The following TCP11 variants were observed in gnomAD, a reference collection of about 807,000 sequenced individuals.
TCP11 encodes the protein t-complex 11, also known as T-complex protein 11 homolog.
In TCP11, 34 loss-of-function variants were observed where a neutral mutation model predicts 45.0. That is an observed-to-expected ratio of 0.76 (90% confidence interval 0.57 to 1.01). TCP11 has a LOEUF of 1.01. Ranked by LOEUF, TCP11 falls within the 50% of genes least tolerant of loss-of-function variation. The pLI, the probability that TCP11 is intolerant of heterozygous loss-of-function variation, is 0.00. For synonymous variants in TCP11, 227 were observed against 227.0 expected, an observed-to-expected ratio of 1.00 and a Z score of 0.00; for missense variants, 523 against 598.1, an observed-to-expected ratio of 0.87 and a Z score of 1.31.
At chr6:35,132,437 T>C (rs994299093) in intron 3 of TCP11, among the ~76,000 whole-genome samples, 2 of 152,258 alleles carry the variant, frequency 1.3e-5, no homozygotes, top group Admixed American at 6.5e-5. Context: ...CATTTTCTAT[T>C]ATTCAACTGT....
Position 35,120,569 on chromosome 6 carries a change from T to A in TCP11, c.793A>T (p.Thr265Ser). 1 of 1,613,868 alleles carries A rather than the reference T, an allele frequency of 6.2e-7. No individual in the cohort carries two copies. Among genetic ancestry groups the A allele is most frequent in the Non-Finnish European group, 8.5e-7 (1 of 1,180,020 alleles). ...LTMSPPTCPD[T>S]SDSSSVAGPS... Reference sequence around the variant, plus strand: ...CCAGCCACACTGGAGGAGTCAGAAGTGTCTGGGCAAGTCGGAGGTGACATG... The same window carrying A: ...CCAGCCACACTGGAGGAGTCAGAAGAGTCTGGGCAAGTCGGAGGTGACATG... The change falls in exon 7 of 10, where the codon ACT becomes TCT. Residue 265 changes from threonine (T) to serine (S), a missense_variant. Around this residue, in one of 2 missense-constraint regions of TCP11, gnomAD observed 298 missense variants for 387.9 expected, o/e 0.77. Transcript: ENST00000311875. The surrounding 1 kb of genome is among the most constrained non-coding windows in gnomAD (Gnocchi z 4.9).
chr6:35,140,491 G>T (rs758918339), intron 2 of TCP11: 1 of 618,224 alleles, frequency 1.6e-6, no homozygotes, highest in South Asian at 1.5e-5. Context: ...ATACAAAGGA[G>T]GGCTTTGAAC....
At chr6:35,129,032 CT>C in intron 4 of TCP11, 29 bp downstream of exon 4, 1 of 1,609,942 alleles carries the variant, frequency 6.2e-7, no homozygotes, top group Non-Finnish European at 8.5e-7. Context: ...TGTCTAGAAA[CT>C]TTACATTTAC....
chr6:35,120,953 T>G lies in TCP11; in HGVS notation c.671A>C (p.Gln224Pro), dbSNP rs1349735266. 1.2e-6 allele frequency: 2 copies of G among 1,613,980 alleles called. No homozygotes were observed. Among genetic ancestry groups the G allele is most frequent in the African/African-American group, 2.7e-5 (2 of 74,932 alleles). ...TTCCTGGAATTTAGCCCGTTCATAC[T>G]GAATGGAATGTTCCTGCAGGTGGGG... ...LQPHLQEHSI[Q>P]YERAKFQELL... The change falls in exon 6 of 10, where the codon CAG (glutamine) becomes CCG (proline). Residue 224 changes from glutamine (Q) to proline (P), a missense_variant. By Grantham distance (76) the Gln-to-Pro change is moderately conservative. This residue lies in a region of TCP11 where 298 missense variants were observed against 387.9 expected (regional missense o/e 0.77). Coordinates refer to ENST00000311875, the MANE Select transcript of TCP11 (RefSeq NM_001370687.1). The surrounding 1 kb of genome is among the most constrained non-coding windows in gnomAD (Gnocchi z 4.9).
At chr6:35,127,181 C>T (rs1779918903) in intron 4 of TCP11, among the ~76,000 whole-genome samples, 1 of 152,090 alleles carries the variant, frequency 6.6e-6, no homozygotes, top group South Asian at 2.1e-4. Context: ...GCTCCTTATA[C>T]CACTGAACCA....
chr6:35,129,137 G>C lies in TCP11; in HGVS notation c.282C>G (p.Asp94Glu), dbSNP rs1386568512. 49 of 1,613,950 alleles carry C rather than the reference G, an allele frequency of 3.0e-5. No homozygotes were observed. The highest frequency in any genetic ancestry group is 4.0e-5 in the Non-Finnish European group (47 of 1,179,984). Residue 94 changes from aspartate (D) to glutamate (E), a missense_variant, in exon 4 of 10, where the codon GAC becomes GAG. By Grantham distance (45) the Asp-to-Glu change is conservative. Around this residue, in one of 2 missense-constraint regions of TCP11, gnomAD observed 225 missense variants for 210.2 expected, o/e 1.07. Transcript: ENST00000311875. ...TTGCTGATAGTTGCTCTTTAAGATGGTCCCAAAAGGCATTGTGCACTGTCT... is the reference window on the plus strand; with the variant it reads ...TTGCTGATAGTTGCTCTTTAAGATGCTCCCAAAAGGCATTGTGCACTGTCT... ...VKETVHNAFW[D>E]HLKEQLSATP...
In TCP11 at chr6:35,120,375, G is replaced by T; in HGVS notation, c.934-35C>A. ...AGGGAAGAACAGGCTGTCAGGGGAA[G>T]TCCCGATGGAAGCCCTGAACACAAA... is the stretch of plus-strand genomic sequence containing the variant. On this transcript the variant is annotated intron_variant, in intron 7 of 9. Coordinates refer to ENST00000311875, the MANE Select transcript of TCP11 (RefSeq NM_001370687.1). The surrounding 1 kb of genome is among the most constrained non-coding windows in gnomAD (Gnocchi z 4.9). The T allele has an allele frequency of 6.2e-7, 1 of 1,601,334 alleles. No homozygotes were observed. The highest frequency in any genetic ancestry group is 8.5e-7 in the Non-Finnish European group (1 of 1,172,114).
chr6:35,140,417 AT>A (rs1781598813), intron 2 of TCP11: 1 of 529,492 alleles, frequency 1.9e-6, no homozygotes, highest in Non-Finnish European at 3.5e-6. Flanking sequence ...GTCTGGGATC[AT>A]TTGGGTTCTT....
In TCP11 at chr6:35,120,411, GC is replaced by G; in HGVS notation, c.933+17del. 6.3e-7 allele frequency: 1 copy of G among 1,587,238 alleles called. No homozygotes were observed. The highest frequency in any genetic ancestry group is 8.6e-7 in the Non-Finnish European group (1 of 1,166,240). On this transcript the variant is annotated intron_variant, in intron 7 of 9. Transcript: ENST00000311875. The surrounding 1 kb of genome is among the most constrained non-coding windows in gnomAD (Gnocchi z 4.9). ...AGCCCTGAACACAAAACAAGGCAAT[GC>G]CCCCAGACATTCCTACCTCAGGGAA...
intron 4 of TCP11, 174 bp downstream of exon 4, chr6:35,128,888 T>C: frequency 1.3e-6 from 1 of 791,768 alleles, no homozygotes; most frequent in Non-Finnish European, 1.9e-6. Context: ...TACTCTCTGT[T>C]ATAATAATTT....
intron 3 of TCP11, among the ~76,000 whole-genome samples, chr6:35,131,717 T>G (rs1203422473): frequency 1.3e-5 from 2 of 152,228 alleles, no homozygotes; most frequent in Non-Finnish European, 2.9e-5. Flanking sequence ...TCCAACAATA[T>G]GACTTCCTGG....
Position 35,120,420 on chromosome 6 carries a change from C to T in TCP11, c.933+9G>A. On this transcript the variant is annotated intron_variant, in intron 7 of 9. Coordinates refer to ENST00000311875, the MANE Select transcript of TCP11 (RefSeq NM_001370687.1). The surrounding 1 kb of genome is among the most constrained non-coding windows in gnomAD (Gnocchi z 4.9). ...CACAAAACAAGGCAATGCCCCCAGA[C>T]ATTCCTACCTCAGGGAACTCTTCAT... 6.3e-7 allele frequency: 1 copy of T among 1,589,082 alleles called. No individual in the cohort carries two copies. The highest frequency in any genetic ancestry group is 8.6e-7 in the Non-Finnish European group (1 of 1,167,156).
At chr6:35,128,094 G>C (rs1373111566) in intron 4 of TCP11, among the ~76,000 whole-genome samples, 1 of 152,170 alleles carries the variant, frequency 6.6e-6, no homozygotes, top group Admixed American at 6.5e-5. Context: ...GTTACTGTGG[G>C]TCAGAAGTAC....
At chr6:35,124,380 C>T (rs1275097367) in intron 4 of TCP11, among the ~76,000 whole-genome samples, 7 of 152,134 alleles carry the variant, frequency 4.6e-5, no homozygotes, top group African/African-American at 1.7e-4. Context: ...AATAAGGGAA[C>T]CACACATGGA....
intron 2 of TCP11, among the ~76,000 whole-genome samples, chr6:35,138,165 G>T (rs10456429): frequency 6.6e-6 from 1 of 151,220 alleles, no homozygotes. Flanking sequence ...AGCCACTATG[G>T]AGAATAGTTT....
intron 4 of TCP11, 61 bp downstream of exon 4, chr6:35,129,001 G>T: frequency 1.3e-6 from 2 of 1,584,840 alleles, no homozygotes; most frequent in Non-Finnish European, 1.7e-6. Flanking sequence ...GCTAGCCACT[G>T]ACACTCCAAT....
intron 4 of TCP11, among the ~76,000 whole-genome samples, chr6:35,125,720 C>T (rs1206806509): frequency 1.3e-5 from 2 of 152,156 alleles, no homozygotes; most frequent in Non-Finnish European, 2.9e-5. Context: ...ACAAGGTTTA[C>T]AGCAGCATTA....
Position 35,122,263 on chromosome 6 carries a change from C to A in TCP11, c.432G>T (p.Leu144Phe), listed in dbSNP as rs142915532. ...IEIEEALDMD[L>F]LKQEAEHGAL... ...CCCCATGTTCTGCCTCCTGCTTGAGCAAGTCCATGTCCAGAGCTTCTTCAA... is the reference window on the plus strand; with the variant it reads ...CCCCATGTTCTGCCTCCTGCTTGAGAAAGTCCATGTCCAGAGCTTCTTCAA... Residue 144 changes from leucine to phenylalanine, a missense_variant, in exon 5 of 10, where the codon TTG (leucine) becomes TTT (phenylalanine). By Grantham distance (22) the Leu-to-Phe change is conservative (BLOSUM62 0). This residue lies in a region of TCP11 where 225 missense variants were observed against 210.2 expected (regional missense o/e 1.07). Coordinates refer to ENST00000311875, the MANE Select transcript of TCP11 (RefSeq NM_001370687.1). 1 of 1,614,056 alleles carries A rather than the reference C, an allele frequency of 6.2e-7. No individual in the cohort carries two copies. The highest frequency in any genetic ancestry group is 8.5e-7 in the Non-Finnish European group (1 of 1,180,044).
rs756834594 is a variant in TCP11, at chr6:35,129,053, G to T, written c.357+9C>A. ...GAAACTTTACATTTACAAATGGAAGGTCACTCACCTCTTTAATTTCTTTCA... is the reference window on the plus strand; with the variant it reads ...GAAACTTTACATTTACAAATGGAAGTTCACTCACCTCTTTAATTTCTTTCA... On this transcript the variant is annotated intron_variant, in intron 4 of 9. Transcript: ENST00000311875. The T allele has an allele frequency of 6.2e-7, 1 of 1,613,004 alleles. No individual in the cohort carries two copies. The highest frequency in any genetic ancestry group is 1.3e-5 in the African/African-American group (1 of 74,974).
Sources: allele counts gnomAD v4.1 joint callset (sites outside exome capture counted in the v4.1 genomes callset), GRCh38; gene constraint gnomAD v4.1.1; regional missense constraint gnomAD v4.1.1; non-coding constraint Gnocchi (gnomAD v3.1); transcripts MANE v1.5; gene names NCBI Gene and HGNC (gene_info 2026-07-23, HGNC 2026-07-21).